Variants in FAM135B observed in about 807,000 individuals in gnomAD.
FAM135B encodes protein FAM135B.
FAM135B carries 43 observed loss-of-function variants against 127.7 expected under a neutral mutation model. The ratio of observed to expected loss-of-function variants is 0.34; its 90% confidence interval spans 0.26 to 0.43. The LOEUF is 0.43. Ranked by LOEUF, FAM135B falls within the 20% of genes least tolerant of loss-of-function variation. The pLI, the probability that FAM135B is intolerant of heterozygous loss-of-function variation, is 1.00. For missense variants in FAM135B, 1,558 were observed against 1,725.6 expected (o/e 0.90, Z 1.72); for synonymous variants, 670 against 665.1 (o/e 1.01, Z -0.11).
chr8:138,134,361 T>A lies in FAM135B; in HGVS notation c.4016-1563A>T, dbSNP rs901349301. On this transcript the variant is annotated intron_variant, in intron 19 of 19. Transcript: ENST00000395297. ...TACCATAATTTGTTTAAATTGTATA[T>A]GCAATAAAGGTCAGAAGGTCATTTA... Among the ~76,000 whole-genome samples the A allele has an allele frequency of 5.5e-4, 84 of 152,316 alleles. 1 individual carries two copies. Among genetic ancestry groups the A allele is most frequent in the African/African-American group, 2.0e-3 (82 of 41,584 alleles).
intron 3 of FAM135B, among the ~76,000 whole-genome samples, chr8:138,302,968 C>T (rs1044652716): frequency 4.6e-5 from 7 of 152,238 alleles, no homozygotes; most frequent in African/African-American, 1.2e-4. Flanking sequence ...CAAATAGGAA[C>T]GCTTTTACAC....
At chr8:138,195,182 C>CAGCA (rs1371184744) in intron 9 of FAM135B, 76 bp downstream of exon 9, 1 of 1,440,958 alleles carries the variant, frequency 6.9e-7, no homozygotes, top group East Asian at 2.3e-5. Context: ...CTGTTTTTTA[C>CAGCA]AGCAAGCAAG....
intron 1 of FAM135B, among the ~76,000 whole-genome samples, chr8:138,381,823 G>A (rs1831874185): frequency 6.6e-6 from 1 of 152,156 alleles, no homozygotes; most frequent in Admixed American, 6.5e-5. Context: ...GGAGGGAGGT[G>A]TGTACAATTC....
intron 1 of FAM135B, among the ~76,000 whole-genome samples, chr8:138,455,316 G>A (rs946372349): frequency 1.3e-5 from 2 of 152,134 alleles, no homozygotes; most frequent in African/African-American, 2.4e-5. Context: ...TTGCACAATT[G>A]TCATAGATTT....
chr8:138,251,066 G>C (rs1235706498), intron 5 of FAM135B, 52 bp from the exon 6 acceptor site: 1 of 1,600,982 alleles, frequency 6.2e-7, no homozygotes, highest in Non-Finnish European at 8.5e-7. Context: ...TGCCCCTGCT[G>C]TCCTCCTAGC....
intron 12 of FAM135B, among the ~76,000 whole-genome samples, chr8:138,159,477 T>C (rs1044418494): frequency 2.6e-5 from 4 of 150,970 alleles, no homozygotes; most frequent in East Asian, 2.0e-4. Flanking sequence ...AGCTGGAAAC[T>C]ATCATTCTGA....
At chr8:138,277,522 C>T (rs546156674) in intron 3 of FAM135B, among the ~76,000 whole-genome samples, 14 of 152,242 alleles carry the variant, frequency 9.2e-5, no homozygotes, top group East Asian at 1.9e-4. Flanking sequence ...GGGTTTTAAC[C>T]GCACATTTCA....
chr8:138,493,228 G>A (rs960271970), intron 1 of FAM135B, among the ~76,000 whole-genome samples: 8 of 152,226 alleles, frequency 5.3e-5, no homozygotes, highest in Non-Finnish European at 8.8e-5. Flanking sequence ...AGCGATGTCC[G>A]TGAATCTCTG....
At chr8:138,457,974 CAAA>C (rs530760937) in intron 1 of FAM135B, among the ~76,000 whole-genome samples, 8 of 76,936 alleles carry the variant, frequency 1.0e-4, no homozygotes, top group East Asian at 7.3e-4. Flanking sequence ...GACTCCATCT[CAAA>C]AAAAAAAAAA....
intron 14 of FAM135B, among the ~76,000 whole-genome samples, chr8:138,147,815 AT>A (rs1281376705): frequency 1.3e-5 from 2 of 152,172 alleles, no homozygotes; most frequent in African/African-American, 2.4e-5. Flanking sequence ...CCGATTTCTT[AT>A]TTTAACAAAG....
In FAM135B at chr8:138,243,959, C is replaced by T. The variant is rs1821075548; in HGVS notation, c.543-891G>A. 6.6e-6 allele frequency among the ~76,000 whole-genome samples: 1 copy of T among 152,108 alleles called. No individual in the cohort carries two copies. Among genetic ancestry groups the T allele is most frequent in the South Asian group, 2.1e-4 (1 of 4,826 alleles). On this transcript the variant is annotated intron_variant, in intron 6 of 19. Transcript: ENST00000395297. The surrounding 1 kb of genome is among the most constrained non-coding windows in gnomAD (Gnocchi z 7.5). The stretch of plus-strand genomic sequence containing the variant: ...TCTCTGATGGCAAAGAGGGTCTTGA[C>T]AATAAATAGCCCCAGGTGACATCAT...
chr8:138,482,972 C>G (rs539749198), intron 1 of FAM135B, among the ~76,000 whole-genome samples: 1 of 152,226 alleles, frequency 6.6e-6, no homozygotes, highest in African/African-American at 2.4e-5. Flanking sequence ...ACTCCATAAG[C>G]CACATTTTTC....
chr8:138,443,601 C>A lies in FAM135B; in HGVS notation c.-20+53070G>T, dbSNP rs140941847. Among the ~76,000 whole-genome samples the A allele has an allele frequency of 2.5e-3, 376 of 152,316 alleles. 2 individuals carry two copies. Among genetic ancestry groups the A allele is most frequent in the Non-Finnish European group, 3.9e-3 (263 of 68,028 alleles). On this transcript the variant is annotated intron_variant, in intron 1 of 19. Coordinates refer to ENST00000395297, the MANE Select transcript of FAM135B (RefSeq NM_015912.4). ...TCATTCATCAAATTAATTCACTCAG[C>A]AAGTGTTTACTAAGCACTGACTGAG...
intron 10 of FAM135B, 136 bp from the exon 11 acceptor site, chr8:138,177,556 T>G: frequency 1.4e-6 from 1 of 716,170 alleles, no homozygotes; most frequent in Non-Finnish European, 2.3e-6. Flanking sequence ...ACCTGAAGGT[T>G]CTGAATCAAC....
chr8:138,190,185 C>A (rs1014838430), intron 9 of FAM135B, among the ~76,000 whole-genome samples: 1 of 152,184 alleles, frequency 6.6e-6, no homozygotes, highest in African/African-American at 2.4e-5. Context: ...CCAGCCCCAG[C>A]CAATTACACC....
intron 13 of FAM135B, among the ~76,000 whole-genome samples, chr8:138,150,565 T>A (rs4527928): frequency 6.6e-6 from 1 of 151,826 alleles, no homozygotes; most frequent in African/African-American, 2.4e-5. Context: ...CTGCTTGGGA[T>A]GCTGAGGCAG....
chr8:138,205,566 C>A (rs1424404654), intron 7 of FAM135B, among the ~76,000 whole-genome samples: 2 of 152,188 alleles, frequency 1.3e-5, no homozygotes, highest in East Asian at 3.8e-4. Context: ...AAATCACTTA[C>A]CTTTCCGGCT....
chr8:138,309,842 T>C (rs1176371519), intron 3 of FAM135B, among the ~76,000 whole-genome samples: 1 of 146,004 alleles, frequency 6.8e-6, no homozygotes, highest in Non-Finnish European at 1.5e-5. Context: ...TCTACCCTAC[T>C]CTTTAAGTCT....
chr8:138,464,496 T>C (rs1837290973), intron 1 of FAM135B, among the ~76,000 whole-genome samples: 1 of 152,202 alleles, frequency 6.6e-6, no homozygotes. Flanking sequence ...CTGGCCTCAG[T>C]GATCTCCATA....
Sources: gnomAD v4.1 joint callset for allele counts (sites outside exome capture counted in the v4.1 genomes callset) on GRCh38, gnomAD v4.1.1 for gene constraint, Gnocchi (gnomAD v3.1) non-coding constraint, MANE v1.5 for transcripts, NCBI Gene and HGNC (gene_info 2026-07-23, HGNC 2026-07-21) for gene names.